Variants in GLRA1 observed in about 807,000 individuals in gnomAD.
The protein encoded by GLRA1 is glycine receptor alpha 1, also known as glycine receptor subunit alpha-1.
A neutral mutation model predicts 48.3 loss-of-function variants in GLRA1; 37 were observed. The ratio of observed to expected loss-of-function variants is 0.77; its 90% CI spans 0.59 to 1.01. The LOEUF (loss-of-function observed/expected upper bound fraction) is 1.01. GLRA1 is among the 50% of genes least tolerant of loss of function. GLRA1 has a pLI of 0.00. For synonymous variants in GLRA1, 196 were observed against 210.7 expected, an observed-to-expected ratio of 0.93 and a Z score of 0.60; for missense variants, 427 against 571.0, an observed-to-expected ratio of 0.75 and a Z score of 2.57.
chr5:151,885,475 C>G (rs544419025), intron 3 of GLRA1, among the ~76,000 whole-genome samples: 4 of 152,156 alleles, frequency 2.6e-5, no homozygotes, highest in African/African-American at 9.7e-5. Flanking sequence ...GAAGGGCACA[C>G]GTGAACTCAC....
At chr5:151,848,986 T>C (rs1752759807) in intron 7 of GLRA1, 2 of 705,386 alleles carry the variant, frequency 2.8e-6, no homozygotes, top group South Asian at 1.5e-5. Flanking sequence ...TCTGGATCGA[T>C]GGTACTGGAG....
At chr5:151,915,000 C>T (rs1754702975) in intron 1 of GLRA1, among the ~76,000 whole-genome samples, 1 of 152,160 alleles carries the variant, frequency 6.6e-6, no homozygotes, top group Admixed American at 6.5e-5. Context: ...GGAGTGTTTT[C>T]TATAGTCACA....
chr5:151,907,924 G>A (rs979028262), intron 1 of GLRA1, among the ~76,000 whole-genome samples: 2 of 152,238 alleles, frequency 1.3e-5, no homozygotes, highest in South Asian at 4.1e-4. Context: ...GGCTCCCTTG[G>A]GCACATTCTC....
chr5:151,842,405 ATTATACG>A (rs888935325), intron 7 of GLRA1, among the ~76,000 whole-genome samples: 2 of 152,182 alleles, frequency 1.3e-5, no homozygotes, highest in African/African-American at 4.8e-5. Flanking sequence ...GTGAAAAAGA[ATTATACG>A]TTATGAGTAA....
chr5:151,856,692 AT>A (rs201440471), intron 4 of GLRA1, among the ~76,000 whole-genome samples: 6 of 151,154 alleles, frequency 4.0e-5, no homozygotes, highest in Non-Finnish European at 5.9e-5. Flanking sequence ...TAATTTTTAA[AT>A]TTTTTTTTGT....
At chr5:151,922,210 G>A (rs892782883) in intron 1 of GLRA1, among the ~76,000 whole-genome samples, 5 of 151,576 alleles carry the variant, frequency 3.3e-5, no homozygotes, top group African/African-American at 1.2e-4. Context: ...GGGGAAGAAG[G>A]GTTTATTCAC....
chr5:151,837,264 A>G (rs560310099), intron 7 of GLRA1, among the ~76,000 whole-genome samples: 2 of 152,384 alleles, frequency 1.3e-5, no homozygotes, highest in South Asian at 4.1e-4. Context: ...ACAATGAGAT[A>G]CCATGTCATG....
rs1376254414 is a variant in GLRA1, at chr5:151,849,505, C to A, written c.912+1885G>T. Among the ~76,000 whole-genome samples, 3 of 103,822 alleles carry A rather than the reference C, an allele frequency of 2.9e-5. 1 individual carries two copies. In the South Asian group the frequency reaches 9.9e-4, roughly 34 times the overall value. The allele number at this position is 103,822 out of a possible 152,430, so 68.1% of individuals were successfully genotyped here. ...CTTCCTTCCTTCCTTTCTTTTCTTTCTTTCTTTCTTTCTTTTTTTCTTTCT... is the reference window on the plus strand; with the variant it reads ...CTTCCTTCCTTCCTTTCTTTTCTTTATTTCTTTCTTTCTTTTTTTCTTTCT... On this transcript the variant is annotated intron_variant, in intron 7 of 8. Coordinates refer to ENST00000274576, the MANE Select transcript of GLRA1 (RefSeq NM_000171.4).
intron 1 of GLRA1, among the ~76,000 whole-genome samples, 153 bp downstream of exon 1, chr5:151,924,341 G>C (rs372230700): frequency 6.6e-6 from 1 of 151,122 alleles, no homozygotes; most frequent in Admixed American, 6.6e-5. Context: ...GGGGTGGGAG[G>C]GGGGAGAAGG....
At chr5:151,910,820 G>T (rs1429432613) in intron 1 of GLRA1, among the ~76,000 whole-genome samples, 1 of 152,152 alleles carries the variant, frequency 6.6e-6, no homozygotes, top group Admixed American at 6.5e-5. Context: ...GCTTTATTGG[G>T]TTTATAGCAC....
chr5:151,878,010 A>G (rs1197845681), intron 3 of GLRA1, among the ~76,000 whole-genome samples: 1 of 152,238 alleles, frequency 6.6e-6, no homozygotes, highest in Non-Finnish European at 1.5e-5. Flanking sequence ...AAATTAGGTA[A>G]CAGGCAGAGG....
intron 3 of GLRA1, 134 bp from the exon 4 acceptor site, chr5:151,860,142 G>T (rs1204191465): frequency 1.4e-6 from 1 of 713,172 alleles, no homozygotes; most frequent in South Asian, 1.5e-5. Flanking sequence ...TTATATGGGG[G>T]TGAGACATAA....
chr5:151,841,264 A>G (rs1763708014), intron 7 of GLRA1, among the ~76,000 whole-genome samples: 1 of 152,152 alleles, frequency 6.6e-6, no homozygotes. Context: ...TGCATCAAAG[A>G]ATAAATAAAA....
chr5:151,845,465 C>T (rs112776739), intron 7 of GLRA1, among the ~76,000 whole-genome samples: 2,609 of 152,292 alleles, frequency 0.017, 33 homozygotes, highest in African/African-American at 0.027. Context: ...TCAATAAGCA[C>T]ATGAAACAAT....
chr5:151,843,321 T>A (rs570670729), intron 7 of GLRA1, among the ~76,000 whole-genome samples: 1 of 146,436 alleles, frequency 6.8e-6, no homozygotes, highest in Admixed American at 7.2e-5. Flanking sequence ...AGTGCAATGG[T>A]GCGATCTCAG....
At chr5:151,848,376 CT>C (rs1300346826) in intron 7 of GLRA1, among the ~76,000 whole-genome samples, 1 of 151,234 alleles carries the variant, frequency 6.6e-6, no homozygotes, top group Non-Finnish European at 1.5e-5. Flanking sequence ...TTTTCTTTTT[CT>C]TTTTTTTTAG....
At chr5:151,877,770 C>T (rs970884855) in intron 3 of GLRA1, among the ~76,000 whole-genome samples, 1 of 152,198 alleles carries the variant, frequency 6.6e-6, no homozygotes, top group East Asian at 1.9e-4. Context: ...CCATGTGAGA[C>T]ATGCCTTTCA....
chr5:151,849,870 C>G (rs1398268670), intron 7 of GLRA1: 16 of 1,447,758 alleles, frequency 1.1e-5, no homozygotes, highest in East Asian at 7.6e-5. Context: ...TTTGATGGCT[C>G]TAGTATTTTA....
In GLRA1 at chr5:151,924,681, C is replaced by T; in HGVS notation, c.-132G>A. ...TAAAGGGAGGCGGGGAACAGGGGCG[C>T]GGAGGGAGAGCCCCAGGGGAAATTG... is the stretch of plus-strand genomic sequence containing the variant. On this transcript the variant is annotated 5_prime_UTR_variant, in exon 1 of 9. Transcript: ENST00000274576. The T allele has an allele frequency of 1.3e-6, 1 of 745,500 alleles. No individual in the cohort carries two copies. Among genetic ancestry groups the T allele is most frequent in the South Asian group, 1.4e-5 (1 of 71,476 alleles). 46.2% of individuals were successfully genotyped at this position (745,500 alleles called of 1,614,324 possible).
Sources: allele counts gnomAD v4.1 joint callset (sites outside exome capture counted in the v4.1 genomes callset), GRCh38; gene constraint gnomAD v4.1.1; transcripts MANE v1.5; gene names NCBI Gene and HGNC (gene_info 2026-07-23, HGNC 2026-07-21).